SPAG16: variants seen among roughly 807,000 people sequenced by gnomAD.
SPAG16 encodes sperm-associated antigen 16 protein.
In SPAG16, 86 loss-of-function variants were observed where a neutral mutation model predicts 80.4. The ratio of observed to expected loss-of-function variants is 1.07; its 90% CI spans 0.90 to 1.28. The LOEUF is 1.28. SPAG16 is among the 50% of genes most tolerant of loss of function. SPAG16 has a pLI of 0.00. For synonymous variants in SPAG16, 294 were observed against 265.9 expected, an observed-to-expected ratio of 1.11 and a Z score of -1.03; for missense variants, 870 against 765.3, an observed-to-expected ratio of 1.14 and a Z score of -1.61.
intron 15 of SPAG16, among the ~76,000 whole-genome samples, chr2:214,382,070 G>C (rs1394686206): frequency 6.6e-6 from 1 of 152,222 alleles, no homozygotes; most frequent in Non-Finnish European, 1.5e-5. Flanking sequence ...TGTTAGCCAA[G>C]TTTTGCAGCA....
At chr2:213,805,466 G>GTTCT (rs2071708741) in intron 10 of SPAG16, among the ~76,000 whole-genome samples, 2 of 152,146 alleles carry the variant, frequency 1.3e-5, no homozygotes, top group Non-Finnish European at 2.9e-5. Flanking sequence ...ATTTGACAGG[G>GTTCT]CTTCAGAGAA....
Position 214,083,251 on chromosome 2 carries a change from T to C in SPAG16, c.1528-24945T>C, listed in dbSNP as rs115684900. On this transcript the variant is annotated intron_variant, in intron 13 of 15. Transcript: ENST00000331683. ...GAGACCTCTTGTCCAGGGCCTCTCA[T>C]AGACACATCCCCAAAGGAGTGTGTG... Among the ~76,000 whole-genome samples the C allele has an allele frequency of 9.1e-3, 1,391 of 152,228 alleles. 24 individuals carry two copies. The highest frequency in any genetic ancestry group is 0.032 in the African/African-American group (1,325 of 41,526).
Position 213,672,833 on chromosome 2 carries a change from T to TTTTG in SPAG16, c.1070+182755_1070+182758dup, listed in dbSNP as rs1553606271. 1.6e-3 allele frequency among the ~76,000 whole-genome samples: 242 copies of TTTTG among 151,694 alleles called. 1 individual carries two copies. The highest frequency in any genetic ancestry group is 5.7e-3 in the African/African-American group (234 of 41,314). ...TAATTTTCATCAATGATCAGTTTTT[T>TTTTG]TTTGTTTGTTTGTTTTATTTTGTTT... On this transcript the variant is annotated intron_variant, in intron 10 of 15. Coordinates refer to ENST00000331683, the MANE Select transcript of SPAG16 (RefSeq NM_024532.5).
chr2:213,807,178 CTG>C (rs956367295), intron 10 of SPAG16, among the ~76,000 whole-genome samples: 19 of 152,130 alleles, frequency 1.2e-4, no homozygotes, highest in Non-Finnish European at 2.1e-4. Flanking sequence ...ACAAAGATTA[CTG>C]TGTTTTTCTT....
At chr2:214,267,362 T>C (rs1236754820) in intron 15 of SPAG16, among the ~76,000 whole-genome samples, 1 of 151,782 alleles carries the variant, frequency 6.6e-6, no homozygotes, top group East Asian at 1.9e-4. Flanking sequence ...GTGAATTGAT[T>C]TTTGACAAAG....
chr2:213,906,787 C>T (rs6733681), intron 11 of SPAG16, among the ~76,000 whole-genome samples: 88,994 of 152,062 alleles, frequency 0.59, 27,855 homozygotes, highest in South Asian at 0.84. Flanking sequence ...CTTCAATAAA[C>T]AGTGCTGGGC....
chr2:213,304,419 C>T (rs1457424784), intron 3 of SPAG16, among the ~76,000 whole-genome samples: 1 of 152,070 alleles, frequency 6.6e-6, no homozygotes, highest in Admixed American at 6.6e-5. Context: ...GATGCCTGTG[C>T]TTGTGAAGTA....
At chr2:214,407,437 A>C (rs1702055048) in intron 15 of SPAG16, among the ~76,000 whole-genome samples, 1 of 152,134 alleles carries the variant, frequency 6.6e-6, no homozygotes, top group African/African-American at 2.4e-5. Context: ...GTTTCACGTA[A>C]GTTCTCATGA....
At chr2:214,108,326 A>G in intron 14 of SPAG16, 65 bp downstream of exon 14, 1 of 1,321,330 alleles carries the variant, frequency 7.6e-7, no homozygotes, top group Non-Finnish European at 1.1e-6. Context: ...TTTTTATAAA[A>G]CAAATTTCCA....
chr2:213,822,729 AC>A (rs1010963509), intron 10 of SPAG16, among the ~76,000 whole-genome samples: 28 of 151,268 alleles, frequency 1.9e-4, no homozygotes, highest in African/African-American at 6.8e-4. Flanking sequence ...CCTCTCCTCA[AC>A]CCCCAGCCCC....
At chr2:213,942,956 G>A (rs764569939) in intron 12 of SPAG16, among the ~76,000 whole-genome samples, 1 of 152,106 alleles carries the variant, frequency 6.6e-6, no homozygotes, top group African/African-American at 2.4e-5. Context: ...TGAGATTAGT[G>A]CCCTTATATA....
intron 14 of SPAG16, among the ~76,000 whole-genome samples, chr2:214,112,639 C>CTTTTTTT (rs56776022): frequency 1.8e-5 from 2 of 112,804 alleles, no homozygotes; most frequent in South Asian, 3.1e-4. Context: ...GCAACCCCTG[C>CTTTTTTT]TTTTTTTTTT....
rs749957411 is a variant in SPAG16 at position 213,976,135 on chromosome 2, T to TATATATAC, written c.1401-37815_1401-37814insTATATACA. ...ATATATATATATATATATATATATATACACACACACACACACACACGTATG... is the reference window on the plus strand; with the variant it reads ...ATATATATATATATATATATATATATATATATACACACACACACACACACACACGTATG... On this transcript the variant is annotated intron_variant, in intron 12 of 15. Coordinates refer to ENST00000331683, the MANE Select transcript of SPAG16 (RefSeq NM_024532.5). Among the ~76,000 whole-genome samples, 759 of 81,356 alleles carry TATATATAC rather than the reference T, an allele frequency of 9.3e-3. 8 individuals are homozygous for TATATATAC. The highest frequency in any genetic ancestry group is 0.026 in the African/African-American group (686 of 26,394). The allele number at this position is 81,356 out of a possible 152,430, so 53.4% of individuals were successfully genotyped here.
At position 214,036,440 on chromosome 2, in the gene SPAG16, G is replaced by A. The variant is rs148722482; in HGVS notation, c.1527+22363G>A. Reference sequence around the variant, plus strand: ...TCTATCTGTAACCATCACCACAGGGGAGTCGTTGCTTCTAGGCATTGTTAA... The same window carrying A: ...TCTATCTGTAACCATCACCACAGGGAAGTCGTTGCTTCTAGGCATTGTTAA... On this transcript the variant is annotated intron_variant, in intron 13 of 15. Coordinates refer to ENST00000331683, the MANE Select transcript of SPAG16 (RefSeq NM_024532.5). 1.1e-3 allele frequency among the ~76,000 whole-genome samples: 171 copies of A among 152,294 alleles called. 1 individual carries two copies. The highest frequency in any genetic ancestry group is 3.9e-3 in the African/African-American group (162 of 41,542).
At chr2:213,910,419 G>A (rs1165855113) in intron 11 of SPAG16, among the ~76,000 whole-genome samples, 1 of 151,570 alleles carries the variant, frequency 6.6e-6, no homozygotes, top group African/African-American at 2.4e-5. Flanking sequence ...GAGATAACAA[G>A]AGAATTTTTA....
chr2:213,941,144 A>G (rs575437188), intron 12 of SPAG16, among the ~76,000 whole-genome samples: 58 of 152,262 alleles, frequency 3.8e-4, no homozygotes, highest in African/African-American at 1.3e-3. Flanking sequence ...GTCAGACTCT[A>G]TCTCTCACTT....
intron 15 of SPAG16, among the ~76,000 whole-genome samples, chr2:214,369,447 T>A (rs1477872919): frequency 6.6e-6 from 1 of 152,122 alleles, no homozygotes; most frequent in Non-Finnish European, 1.5e-5. Context: ...ATAAATACCC[T>A]GGCTCAGGGC....
chr2:213,316,840 A>G (rs1406231761), intron 4 of SPAG16, among the ~76,000 whole-genome samples: 1 of 151,994 alleles, frequency 6.6e-6, no homozygotes, highest in Non-Finnish European at 1.5e-5. Context: ...CACTCCCATC[A>G]GTGTTTCCAC....
chr2:213,749,994 C>G (rs920530627), intron 10 of SPAG16, among the ~76,000 whole-genome samples: 2 of 152,190 alleles, frequency 1.3e-5, no homozygotes, highest in Non-Finnish European at 2.9e-5. Flanking sequence ...CTATCTAGCC[C>G]TGTTGCATTG....
Sources: gnomAD v4.1 joint callset for allele counts (sites outside exome capture counted in the v4.1 genomes callset) on GRCh38, gnomAD v4.1.1 for gene constraint, MANE v1.5 for transcripts, NCBI Gene and HGNC (gene_info 2026-07-23, HGNC 2026-07-21) for gene names.